Variants in DIAPH3 observed in about 807,000 individuals in gnomAD.
The protein encoded by DIAPH3 is protein diaphanous homolog 3.
A neutral mutation model predicts 144.3 loss-of-function variants in DIAPH3; 117 were observed. That is an observed-to-expected ratio of 0.81 (90% CI 0.70 to 0.95). The LOEUF is 0.95. Among genes scored for constraint, DIAPH3 ranks in the 40% least tolerant of loss-of-function variants. The pLI is 0.00. For synonymous variants in DIAPH3, 519 were observed against 488.9 expected (o/e 1.06, Z -0.81); for missense variants, 1,421 against 1,412.7 (o/e 1.01, Z -0.09).
intron 22 of DIAPH3, among the ~76,000 whole-genome samples, chr13:59,850,911 G>A (rs896443316): frequency 6.8e-6 from 1 of 147,422 alleles, no homozygotes. Flanking sequence ...AAGAGTCCAG[G>A]ACCAGATGGA....
rs529555647 is a variant in DIAPH3 at position 60,064,043 on chromosome 13, G to T, written c.496-21223C>A. 5.3e-5 allele frequency among the ~76,000 whole-genome samples: 8 copies of T among 152,224 alleles called. No individual in the cohort carries two copies. The East Asian group carries it at 1.3e-3, about 26-fold the overall frequency. ...AAAGAATATTTTTTCTGAATAGTAGGTCTCAACAAGCGGGCTTAAAATGTT... is the reference window on the plus strand; with the variant it reads ...AAAGAATATTTTTTCTGAATAGTAGTTCTCAACAAGCGGGCTTAAAATGTT... On this transcript the variant is annotated intron_variant, in intron 4 of 27. Coordinates refer to ENST00000400324, the MANE Select transcript of DIAPH3 (RefSeq NM_001042517.2).
intron 15 of DIAPH3, among the ~76,000 whole-genome samples, chr13:59,973,604 A>G (rs1488788070): frequency 6.6e-6 from 1 of 152,086 alleles, no homozygotes; most frequent in Non-Finnish European, 1.5e-5. Context: ...CTATCCACTA[A>G]GCATTTAAAA....
At chr13:60,071,814 T>C (rs2057218383) in intron 4 of DIAPH3, among the ~76,000 whole-genome samples, 1 of 152,180 alleles carries the variant, frequency 6.6e-6, no homozygotes, top group Admixed American at 6.5e-5. Flanking sequence ...CTTTTAACCC[T>C]AAATCTAATC....
chr13:60,050,833 G>A (rs1218181195), intron 4 of DIAPH3, among the ~76,000 whole-genome samples: 5 of 101,580 alleles, frequency 4.9e-5, no homozygotes, highest in Admixed American at 1.0e-4. Flanking sequence ...GAAACAAGGA[G>A]GTCAGTTAGA....
intron 27 of DIAPH3, among the ~76,000 whole-genome samples, chr13:59,708,923 C>T (rs1047517894): frequency 2.6e-5 from 4 of 151,994 alleles, no homozygotes; most frequent in East Asian, 1.9e-4. Flanking sequence ...GACCTTTATT[C>T]CCATGTATAA....
At chr13:59,949,907 G>T (rs2049013062) in intron 17 of DIAPH3, among the ~76,000 whole-genome samples, 1 of 152,004 alleles carries the variant, frequency 6.6e-6, no homozygotes, top group Admixed American at 6.6e-5. Context: ...TAAACCTCGT[G>T]GATCACACTT....
At chr13:59,806,899 TA>T (rs1441601042) in intron 25 of DIAPH3, among the ~76,000 whole-genome samples, 1 of 151,814 alleles carries the variant, frequency 6.6e-6, no homozygotes, top group Non-Finnish European at 1.5e-5. Context: ...TTTAAAAGTA[TA>T]AAAAACTGAT....
At chr13:60,142,906 C>A (rs531347520) in intron 1 of DIAPH3, among the ~76,000 whole-genome samples, 1 of 149,488 alleles carries the variant, frequency 6.7e-6, no homozygotes, top group South Asian at 2.2e-4. Context: ...CACCACCATG[C>A]CCCACATTTT....
At chr13:60,118,731 C>T (rs1243103401) in intron 2 of DIAPH3, among the ~76,000 whole-genome samples, 1 of 152,194 alleles carries the variant, frequency 6.6e-6, no homozygotes, top group East Asian at 1.9e-4. Flanking sequence ...CAGCCACTTG[C>T]TTAGTGTGTT....
At chr13:59,895,441 A>C (rs987338275) in intron 20 of DIAPH3, among the ~76,000 whole-genome samples, 2 of 146,282 alleles carry the variant, frequency 1.4e-5, no homozygotes, top group East Asian at 1.9e-4. Flanking sequence ...AAAAAAAAAA[A>C]AACAAAAAAA....
Position 59,911,765 on chromosome 13 carries a change from G to A in DIAPH3, c.2337C>T (p.Asn779=), listed in dbSNP as rs746902796. 2 of 1,613,578 alleles carry A rather than the reference G, an allele frequency of 1.2e-6. No homozygotes were observed. Among genetic ancestry groups the A allele is most frequent in the South Asian group, 1.1e-5 (1 of 91,064 alleles). ...CCACAAACTGCTCAGGTTCACATAA[G>A]TTGCTATATTCACTCTTGAACTGAG... is the stretch of plus-strand genomic sequence containing the variant. The part of the protein sequence containing the change: ...SLSQFKSEYS[N]LCEPEQFVVV... The change falls in exon 20 of 28, where the codon AAC becomes AAT. Residue 779 remains asparagine, a synonymous_variant. Transcript: ENST00000400324.
At chr13:59,670,373 T>C (rs918716984) in intron 27 of DIAPH3, among the ~76,000 whole-genome samples, 1 of 152,172 alleles carries the variant, frequency 6.6e-6, no homozygotes, top group Non-Finnish European at 1.5e-5. Context: ...TTCCCAGCCC[T>C]CACATTAGCT....
At chr13:59,880,329 C>T (rs2044930940) in intron 20 of DIAPH3, among the ~76,000 whole-genome samples, 1 of 152,098 alleles carries the variant, frequency 6.6e-6, no homozygotes, top group African/African-American at 2.4e-5. Context: ...GGATTTGGGA[C>T]TTAAAACGCA....
intron 22 of DIAPH3, among the ~76,000 whole-genome samples, chr13:59,860,118 T>A (rs748480669): frequency 3.8e-4 from 58 of 152,284 alleles, no homozygotes; most frequent in African/African-American, 5.8e-4. Flanking sequence ...TCCAATCACA[T>A]GCTTCTTTGT....
intron 9 of DIAPH3, among the ~76,000 whole-genome samples, chr13:59,995,194 T>TA (rs1277315242): frequency 6.6e-6 from 1 of 151,724 alleles, no homozygotes; most frequent in Non-Finnish European, 1.5e-5. Flanking sequence ...ATTCATTCAT[T>TA]AAAAAAACAA....
At chr13:60,113,729 AT>A (rs2058630383) in intron 2 of DIAPH3, among the ~76,000 whole-genome samples, 1 of 152,244 alleles carries the variant, frequency 6.6e-6, no homozygotes, top group African/African-American at 2.4e-5. Context: ...AGCTGCTCTT[AT>A]CCCTGACAAA....
intron 22 of DIAPH3, among the ~76,000 whole-genome samples, chr13:59,858,256 G>A (rs924569194): frequency 2.0e-5 from 3 of 152,136 alleles, no homozygotes; most frequent in Non-Finnish European, 4.4e-5. Context: ...ACTGCACAGA[G>A]GAAGAGGAGA....
intron 9 of DIAPH3, among the ~76,000 whole-genome samples, chr13:60,003,419 CCTGT>C (rs539787085): frequency 1.5e-4 from 23 of 150,830 alleles, no homozygotes; most frequent in Admixed American, 6.6e-5. Flanking sequence ...GCTGAGAAAC[CCTGT>C]CTGATGTTTG....
chr13:60,159,937 C>G (rs898038121), intron 1 of DIAPH3, among the ~76,000 whole-genome samples: 14 of 152,020 alleles, frequency 9.2e-5, no homozygotes, highest in African/African-American at 3.4e-4. Context: ...GAAAAAATCT[C>G]AAAACCGGCC....
Sources: allele counts gnomAD v4.1 joint callset (sites outside exome capture counted in the v4.1 genomes callset), GRCh38; gene constraint gnomAD v4.1.1; transcripts MANE v1.5; gene names NCBI Gene and HGNC (gene_info 2026-07-23, HGNC 2026-07-21).